The following EIF5 variants were observed in gnomAD, a reference collection of about 807,000 sequenced individuals.
The protein encoded by EIF5 is eukaryotic translation initiation factor 5.
EIF5 carries 10 observed loss-of-function variants against 48.3 expected under a neutral mutation model. The observed-to-expected ratio is 0.21, with a 90% CI of 0.13 to 0.35. The LOEUF is 0.35. Among genes scored for constraint, EIF5 ranks in the 10% least tolerant of loss-of-function variants. EIF5 has a pLI of 1.00. For synonymous variants in EIF5, 237 were observed against 173.1 expected, an observed-to-expected ratio of 1.37 and a Z score of -2.90; for missense variants, 397 against 533.2, an observed-to-expected ratio of 0.74 and a Z score of 2.51.
rs1193764362 is a variant in EIF5 at position 103,337,301 on chromosome 14, T to C, written c.439+74T>C. 3.8e-6 allele frequency: 5 copies of C among 1,312,272 alleles called. No homozygotes were observed. The South Asian group carries it at 5.4e-5, about 14-fold the overall frequency. The allele number at this position is 1,312,272 out of a possible 1,614,324, so 81.3% of individuals were successfully genotyped here. ...TGTTGGGAACAAAATAGAAGGTTTT[T>C]TTGTAATAGGAATGTAAGGGAGACT... On this transcript the variant is annotated intron_variant, in intron 6 of 11. Transcript: ENST00000216554.
rs1424909500 is a variant in EIF5 at position 103,336,471 on chromosome 14, C to T, written c.155-206C>T. ...TGGCATGCGCTTGTAGTCCCAGCTA[C>T]TTGGGAGGCTGAAGGGGGAGAATCG... is the stretch of plus-strand genomic sequence containing the variant. On this transcript the variant is annotated intron_variant, in intron 4 of 11. Coordinates refer to ENST00000216554, the MANE Select transcript of EIF5 (RefSeq NM_001969.5). 10 of 582,576 alleles carry T rather than the reference C, an allele frequency of 1.7e-5. No individual in the cohort carries two copies. In the East Asian group the frequency reaches 2.4e-4, roughly 14 times the overall value. 36.1% of individuals were successfully genotyped at this position (582,576 alleles called of 1,614,324 possible). A position where few individuals can be genotyped will look rare whatever the true frequency, so the allele number is the denominator to read the frequency against.
rs1218532845 is a variant in EIF5, at chr14:103,337,130, GA to G, written c.344del (p.Lys115SerfsTer4). ...TTTTTTGGCAGCATGTCAATCCAAA[GA>G]AGCAAACAATAGGTAATTCTTGTAA... is the stretch of plus-strand genomic sequence containing the variant. ...PETDLHVNPK[K>X]QTIGNSCKAC... On this transcript the variant is annotated frameshift_variant, in exon 6 of 12. Transcript: ENST00000216554. LOFTEE classifies it high-confidence loss of function. 6.2e-7 allele frequency: 1 copy of G among 1,610,958 alleles called. No individual in the cohort carries two copies. Among genetic ancestry groups the G allele is most frequent in the Admixed American group, 1.7e-5 (1 of 59,272 alleles).
rs146577589 is a variant in EIF5 at position 103,344,273 on chromosome 14, T to A, written c.*3221T>A. ...GTCTGGTCTAGCCAAACAGTTTTTT[T>A]CTGGGAATCAAATTTCTGTGGTTTT... is the stretch of plus-strand genomic sequence containing the variant. On this transcript the variant is annotated 3_prime_UTR_variant, in exon 12 of 12. Coordinates refer to ENST00000216554, the MANE Select transcript of EIF5 (RefSeq NM_001969.5). The A allele has an allele frequency of 2.6e-5, 4 of 152,174 alleles. No homozygotes were observed. The highest frequency in any genetic ancestry group is 2.9e-5 in the Non-Finnish European group (2 of 68,026). 9.4% of individuals were successfully genotyped at this position (152,174 alleles called of 1,614,324 possible). A position where few individuals can be genotyped will look rare whatever the true frequency, so the allele number is the denominator to read the frequency against.
intron 2 of EIF5, chr14:103,334,819 G>A (rs2089263921): frequency 6.6e-6 from 1 of 151,510 alleles, no homozygotes; most frequent in Admixed American, 6.6e-5. Flanking sequence ...GCTGACTCAG[G>A]CTTCAGCTGC....
In EIF5 at chr14:103,335,762, C is replaced by T; in HGVS notation, c.-99C>T. On this transcript the variant is annotated 5_prime_UTR_variant, in exon 3 of 12. Coordinates refer to ENST00000216554, the MANE Select transcript of EIF5 (RefSeq NM_001969.5). ...TCATGTCAGAGACCGAGAACTCTTG[C>T]AGTCGTTTATGTCATCCCTTCTTCT... The T allele has an allele frequency of 2.1e-5, 29 of 1,366,440 alleles. No homozygotes were observed. The highest frequency in any genetic ancestry group is 2.9e-5 in the Non-Finnish European group (28 of 966,252). The allele number at this position is 1,366,440 out of a possible 1,614,324, so 84.6% of individuals were successfully genotyped here.
At position 103,336,717 on chromosome 14, in the gene EIF5, C is replaced by G. The variant is rs1488939756; in HGVS notation, c.195C>G (p.Thr65=). The G allele has an allele frequency of 6.2e-7, 1 of 1,613,274 alleles. No homozygotes were observed. Among genetic ancestry groups the G allele is most frequent in the Non-Finnish European group, 8.5e-7 (1 of 1,179,792 alleles). ...TTGGTTGTGAGCTGGGAGCACAGAC[C>G]CAGTTTGATGTTAAGAATGACCGTT... ...KYFGCELGAQ[T]QFDVKNDRYI... is the part of the protein sequence containing the mutation. The change falls in exon 5 of 12, where the codon ACC becomes ACG. Residue 65 remains threonine (T), a synonymous_variant. Transcript: ENST00000216554.
Position 103,336,228 on chromosome 14 carries a change from AG to A in EIF5, c.154+112del. ...TGCTAGCTAATTACCTTACAAGTTA[AG>A]TGAGGAACCGTGGTTTATTGGTTGC... On this transcript the variant is annotated intron_variant, in intron 4 of 11. Transcript: ENST00000216554. The A allele has an allele frequency of 6.3e-6, 7 of 1,108,872 alleles. No homozygotes were observed. The South Asian group carries it at 1.1e-4, about 17-fold the overall frequency. The allele number at this position is 1,108,872 out of a possible 1,614,324, so 68.7% of individuals were successfully genotyped here.
Position 103,343,151 on chromosome 14 carries a change from T to A in EIF5, c.*2099T>A, listed in dbSNP as rs912042702. The A allele has an allele frequency of 1.3e-5, 2 of 152,596 alleles. No individual in the cohort carries two copies. Among genetic ancestry groups the A allele is most frequent in the African/African-American group, 4.8e-5 (2 of 41,460 alleles). 9.5% of individuals were successfully genotyped at this position (152,596 alleles called of 1,614,324 possible). On this transcript the variant is annotated 3_prime_UTR_variant, in exon 12 of 12. Transcript: ENST00000216554. ...TGTTTAAACAGCTAAGTTACTTGATTAAAATAATGATAAAATTGTATTTTG... is the reference window on the plus strand; with the variant it reads ...TGTTTAAACAGCTAAGTTACTTGATAAAAATAATGATAAAATTGTATTTTG...
intron 2 of EIF5, 104 bp downstream of exon 2, chr14:103,334,701 G>GGCGGGC (rs1339399841): frequency 5.5e-5 from 8 of 146,460 alleles, no homozygotes; most frequent in African/African-American, 1.5e-4. Context: ...GCGGACGGCG[G>GGCGGGC]GCGGGCGCGG....
chr14:103,339,504 G>A, intron 9 of EIF5, 135 bp from the exon 10 acceptor site: 1 of 1,435,738 alleles, frequency 7.0e-7, no homozygotes, highest in Admixed American at 2.0e-5. Context: ...CAAAGTAACA[G>A]GGATGTTTAT....
chr14:103,341,117 G>GT lies in EIF5; in HGVS notation c.*66dup. 1 of 1,468,010 alleles carries GT rather than the reference G, an allele frequency of 6.8e-7. No individual in the cohort carries two copies. Among genetic ancestry groups the GT allele is most frequent in the Non-Finnish European group, 9.5e-7 (1 of 1,049,518 alleles). The allele number at this position is 1,468,010 out of a possible 1,614,324, so 90.9% of individuals were successfully genotyped here. A position where few individuals can be genotyped will look rare whatever the true frequency, so the allele number is the denominator to read the frequency against. Reference sequence around the variant, plus strand: ...AATTTTCCTCCATTATCAGCCAGAAGTGCAACATGTATGTGCAAAAGCTAA... The same window carrying GT: ...AATTTTCCTCCATTATCAGCCAGAAGTTGCAACATGTATGTGCAAAAGCTAA... On this transcript the variant is annotated 3_prime_UTR_variant, in exon 12 of 12. Transcript: ENST00000216554.
chr14:103,338,132 C>G lies in EIF5; in HGVS notation c.440-195C>G, dbSNP rs184067682. 4 of 802,998 alleles carry G rather than the reference C, an allele frequency of 5.0e-6. No individual in the cohort carries two copies. The African/African-American group carries it at 5.2e-5, about 10-fold the overall frequency. 49.7% of individuals were successfully genotyped at this position (802,998 alleles called of 1,614,324 possible). A position where few individuals can be genotyped will look rare whatever the true frequency, so the allele number is the denominator to read the frequency against. Reference sequence around the variant, plus strand: ...CCCTAATATTTTGTGTCACTCCATTCTTAGACTAACATTCTTACGTATGAA... The same window carrying G: ...CCCTAATATTTTGTGTCACTCCATTGTTAGACTAACATTCTTACGTATGAA... On this transcript the variant is annotated intron_variant, in intron 6 of 11. Coordinates refer to ENST00000216554, the MANE Select transcript of EIF5 (RefSeq NM_001969.5).
intron 2 of EIF5, chr14:103,335,266 G>A (rs961839944): frequency 6.5e-6 from 1 of 154,806 alleles, no homozygotes; most frequent in African/African-American, 2.4e-5. Context: ...ACGAACGGGG[G>A]TGTGCCTGAG....
chr14:103,338,446 G>A lies in EIF5; in HGVS notation c.559G>A (p.Glu187Lys), dbSNP rs1316373703. The change falls in exon 7 of 12, where the codon GAA becomes AAA. Residue 187 changes from glutamate to lysine, a missense_variant. By Grantham distance (56) the Glu-to-Lys change is moderately conservative. Coordinates refer to ENST00000216554, the MANE Select transcript of EIF5 (RefSeq NM_001969.5). ...ETPPPPPPPNEINPPPHTMEE... is the reference protein window; with the variant it reads ...ETPPPPPPPNKINPPPHTMEE... ...ACCACCACCACCACCACCACCAAATGAAATTAATCCTCCTCCACATACAAT... is the reference window on the plus strand; with the variant it reads ...ACCACCACCACCACCACCACCAAATAAAATTAATCCTCCTCCACATACAAT... 1.3e-6 allele frequency: 2 copies of A among 1,581,200 alleles called. No individual in the cohort carries two copies. The highest frequency in any genetic ancestry group is 1.4e-5 in the African/African-American group (1 of 73,616).
intron 10 of EIF5, among the ~76,000 whole-genome samples, chr14:103,340,091 A>C (rs1306810465): frequency 6.6e-6 from 1 of 152,196 alleles, no homozygotes; most frequent in Non-Finnish European, 1.5e-5. Flanking sequence ...ACCTGACCTC[A>C]GGTGATCCAC....
chr14:103,340,469 C>G lies in EIF5; in HGVS notation c.1114C>G (p.Arg372Gly). 3 of 1,609,016 alleles carry G rather than the reference C, an allele frequency of 1.9e-6. No individual in the cohort carries two copies. The highest frequency in any genetic ancestry group is 2.6e-6 in the Non-Finnish European group (3 of 1,175,692). The change falls in exon 11 of 12, where the codon CGT becomes GGT. Residue 372 changes from arginine (R) to glycine (G), a missense_variant. Physicochemically the swap from Arg to Gly is moderately radical, Grantham distance 125. Around this residue, in one of 4 missense-constraint regions of EIF5, gnomAD observed 160 missense variants for 184.8 expected, o/e 0.87. Transcript: ENST00000216554. ...CTCCAAAGAACTTGCCAAAGAGATTCGTGTCAAAGCAGAACCATTTATAAA... is the reference window on the plus strand; with the variant it reads ...CTCCAAAGAACTTGCCAAAGAGATTGGTGTCAAAGCAGAACCATTTATAAA... Reference protein sequence around the residue: ...YVSKELAKEIRVKAEPFIKWL... With the variant: ...YVSKELAKEIGVKAEPFIKWL...
chr14:103,339,875 T>A, intron 10 of EIF5, 72 bp downstream of exon 10: 6 of 1,510,782 alleles, frequency 4.0e-6, no homozygotes, highest in Non-Finnish European at 5.3e-6. Context: ...TGATTGTTTT[T>A]GGAGACGGAG....
Position 103,339,181 on chromosome 14 carries a change from G to A in EIF5, c.754G>A (p.Glu252Lys), listed in dbSNP as rs939597920. 1.2e-6 allele frequency: 2 copies of A among 1,601,558 alleles called. No individual in the cohort carries two copies. Among genetic ancestry groups the A allele is most frequent in the African/African-American group, 1.4e-5 (1 of 73,822 alleles). Residue 252 changes from glutamate (E) to lysine (K), a missense_variant, in exon 9 of 12, where the codon GAA becomes AAA. By Grantham distance (56) the Glu-to-Lys change is moderately conservative. Around this residue, in one of 4 missense-constraint regions of EIF5, gnomAD observed 126 missense variants for 141.9 expected, o/e 0.89. Coordinates refer to ENST00000216554, the MANE Select transcript of EIF5 (RefSeq NM_001969.5). ...TTCCTTTTCTTTGCAGAAAAAGAAA[G>A]AAGAGGGTGTTATTGATTCATCTGA... ...ILFDFVKKKK[E>K]EGVIDSSDKE...
chr14:103,340,161 AT>A (rs1308365205), intron 10 of EIF5, among the ~76,000 whole-genome samples: 1 of 152,148 alleles, frequency 6.6e-6, no homozygotes, highest in African/African-American at 2.4e-5. Flanking sequence ...GTTCACAAGT[AT>A]TGAGACGGCT....
Sources: allele counts gnomAD v4.1 joint callset (sites outside exome capture counted in the v4.1 genomes callset), GRCh38; gene constraint gnomAD v4.1.1; regional missense constraint gnomAD v4.1.1; transcripts MANE v1.5; gene names NCBI Gene and HGNC (gene_info 2026-07-23, HGNC 2026-07-21).